The following PCCA variants were observed in gnomAD, a reference collection of about 807,000 sequenced individuals.
The protein encoded by PCCA is propionyl-CoA carboxylase subunit alpha.
In PCCA, 74 loss-of-function variants were observed where a neutral mutation model predicts 101.3. The ratio of observed to expected loss-of-function variants is 0.73; its 90% CI spans 0.61 to 0.89. The LOEUF (loss-of-function observed/expected upper bound fraction) is 0.89, where lower values mean the gene tolerates loss of function less well. PCCA is among the 40% of genes least tolerant of loss of function. The pLI, the probability that PCCA is intolerant of heterozygous loss-of-function variation, is 0.00. For missense variants in PCCA, 891 were observed against 907.0 expected, an observed-to-expected ratio of 0.98 and a Z score of 0.23; for synonymous variants, 294 against 313.6, an observed-to-expected ratio of 0.94 and a Z score of 0.66.
At chr13:100,363,679 A>G (rs558276524) in intron 18 of PCCA, among the ~76,000 whole-genome samples, 8 of 152,168 alleles carry the variant, frequency 5.3e-5, no homozygotes, top group Non-Finnish European at 1.0e-4. Context: ...TTCCTTGACC[A>G]TTAGCATTGT....
chr13:100,457,694 C>T (rs913336621), intron 21 of PCCA, among the ~76,000 whole-genome samples: 11 of 152,186 alleles, frequency 7.2e-5, no homozygotes, highest in Non-Finnish European at 1.3e-4. Flanking sequence ...ACTGTACAAG[C>T]ATCTTTGAAA....
intron 20 of PCCA, among the ~76,000 whole-genome samples, chr13:100,437,948 G>T (rs930045682): frequency 6.6e-6 from 1 of 152,092 alleles, no homozygotes; most frequent in African/African-American, 2.4e-5. Flanking sequence ...GCAATTACAG[G>T]TGTGAGCCAT....
chr13:100,494,189 A>AAAAT (rs3058405), intron 21 of PCCA, among the ~76,000 whole-genome samples: 3,474 of 151,954 alleles, frequency 0.023, 121 homozygotes, highest in African/African-American at 0.076. Flanking sequence ...TCTGTCTCAA[A>AAAAT]AAATAAATAA....
chr13:100,252,884 C>T (rs187808880), intron 8 of PCCA, among the ~76,000 whole-genome samples: 3 of 152,304 alleles, frequency 2.0e-5, no homozygotes, highest in Admixed American at 2.0e-4. Flanking sequence ...TCATTCATTG[C>T]ACAGCAGCCA....
intron 4 of PCCA, among the ~76,000 whole-genome samples, chr13:100,141,567 T>C (rs559197125): frequency 2.6e-5 from 4 of 152,138 alleles, no homozygotes; most frequent in Admixed American, 6.5e-5. Context: ...TGCACCACCA[T>C]GTCCAGCTGA....
intron 19 of PCCA, among the ~76,000 whole-genome samples, chr13:100,392,507 C>T (rs1465067573): frequency 2.6e-5 from 4 of 152,150 alleles, no homozygotes; most frequent in African/African-American, 9.7e-5. Flanking sequence ...GCATTTTTTA[C>T]TCTTTTTAAA....
chr13:100,201,922 C>G (rs1335912527), intron 6 of PCCA, among the ~76,000 whole-genome samples: 2 of 149,316 alleles, frequency 1.3e-5, no homozygotes, highest in Non-Finnish European at 3.0e-5. Flanking sequence ...CAGATTTGGC[C>G]TACACACTAG....
At chr13:100,148,903 T>C (rs964715870) in intron 4 of PCCA, among the ~76,000 whole-genome samples, 7 of 152,290 alleles carry the variant, frequency 4.6e-5, no homozygotes, top group Middle Eastern at 6.8e-3. Context: ...AGAAAAATAG[T>C]AGTCCACTAA....
chr13:100,270,975 T>G (rs1364447591), intron 11 of PCCA, among the ~76,000 whole-genome samples: 2 of 152,026 alleles, frequency 1.3e-5, no homozygotes, highest in African/African-American at 2.4e-5. Flanking sequence ...GCCACCAGAT[T>G]CCAGCCTGGG....
intron 19 of PCCA, among the ~76,000 whole-genome samples, chr13:100,395,018 G>T (rs2076978255): frequency 6.6e-6 from 1 of 152,070 alleles, no homozygotes; most frequent in Non-Finnish European, 1.5e-5. Flanking sequence ...TGCTTGAGGG[G>T]GTTTGGGGCT....
intron 21 of PCCA, among the ~76,000 whole-genome samples, chr13:100,502,595 C>T (rs1487000882): frequency 1.3e-5 from 2 of 152,200 alleles, no homozygotes; most frequent in African/African-American, 2.4e-5. Flanking sequence ...CACAGGGAAT[C>T]GACCTTAACT....
rs149360666 is a variant in PCCA, at chr13:100,485,970, C to T, written c.1900-29457C>T. ...GGTCTTACTCATCCTAGTGCAGTCC[C>T]GTTAGTCTACCTGAGCTCCCCCTAA... is the stretch of plus-strand genomic sequence containing the variant. On this transcript the variant is annotated intron_variant, in intron 21 of 23. Coordinates refer to ENST00000376285, the MANE Select transcript of PCCA (RefSeq NM_000282.4). Among the ~76,000 whole-genome samples the T allele has an allele frequency of 1.8e-3, 278 of 152,310 alleles. 1 individual carries two copies. Among genetic ancestry groups the T allele is most frequent in the African/African-American group, 6.4e-3 (265 of 41,572 alleles).
At position 100,111,697 on chromosome 13, in the gene PCCA, A is replaced by G. The variant is rs2152278066; in HGVS notation, c.184-144A>G. The G allele has an allele frequency of 4.7e-6, 3 of 637,850 alleles. No individual in the cohort carries two copies. The East Asian group carries it at 8.2e-5, about 18-fold the overall frequency. 39.5% of individuals were successfully genotyped at this position (637,850 alleles called of 1,614,324 possible). A position where few individuals can be genotyped will look rare whatever the true frequency, so the allele number is the denominator to read the frequency against. On this transcript the variant is annotated intron_variant, in intron 2 of 23. Transcript: ENST00000376285. ...AGTACATTTAATATTACTGTAAGTA[A>G]TATAGTATTTAATGTTACTCTAGGA...
intron 4 of PCCA, among the ~76,000 whole-genome samples, chr13:100,134,646 A>G (rs998147054): frequency 6.6e-6 from 1 of 151,784 alleles, no homozygotes; most frequent in Non-Finnish European, 1.5e-5. Flanking sequence ...AGGCTTGACC[A>G]CCTGGGCTCA....
chr13:100,146,611 A>G (rs929246844), intron 4 of PCCA, among the ~76,000 whole-genome samples: 7 of 152,152 alleles, frequency 4.6e-5, no homozygotes, highest in South Asian at 2.1e-4. Context: ...TAGAAGAAAT[A>G]CAGGTAGCTT....
In PCCA at chr13:100,432,065, G is replaced by A. The variant is rs147141081; in HGVS notation, c.1845+6334G>A. Among the ~76,000 whole-genome samples, 458 of 151,200 alleles carry A rather than the reference G, an allele frequency of 3.0e-3. 1 individual carries two copies. The highest frequency in any genetic ancestry group is 0.011 in the African/African-American group (435 of 41,172). ...ATACAAAATATTAACCGGGGATGGT[G>A]GTGCACACCTGCAGTCCCAGCTGCT... On this transcript the variant is annotated intron_variant, in intron 20 of 23. Coordinates refer to ENST00000376285, the MANE Select transcript of PCCA (RefSeq NM_000282.4).
chr13:100,113,611 C>T, intron 4 of PCCA, among the ~76,000 whole-genome samples: 1 of 140,288 alleles, frequency 7.1e-6, no homozygotes, highest in South Asian at 2.2e-4. Flanking sequence ...CAGAGTCTTG[C>T]TCTGTTGGCC....
chr13:100,101,803 A>G (rs961045449), intron 1 of PCCA, among the ~76,000 whole-genome samples: 12 of 152,056 alleles, frequency 7.9e-5, no homozygotes, highest in African/African-American at 2.4e-4. Context: ...GGATTTCGCC[A>G]TTTTGGCCAG....
At chr13:100,320,639 A>G (rs997412732) in intron 16 of PCCA, among the ~76,000 whole-genome samples, 4 of 152,200 alleles carry the variant, frequency 2.6e-5, no homozygotes, top group South Asian at 4.2e-4. Flanking sequence ...ATTGATTTGC[A>G]TATGTTGAAC....
Sources: gnomAD v4.1 joint callset for allele counts (sites outside exome capture counted in the v4.1 genomes callset) on GRCh38, gnomAD v4.1.1 for gene constraint, MANE v1.5 for transcripts, NCBI Gene and HGNC (gene_info 2026-07-23, HGNC 2026-07-21) for gene names.